MYO1H: variants seen among roughly 807,000 people sequenced by gnomAD.
MYO1H encodes unconventional myosin-Ih.
A neutral mutation model predicts 149.3 loss-of-function variants in MYO1H; 118 were observed. The observed-to-expected ratio is 0.79, with a 90% CI of 0.68 to 0.92. The LOEUF is 0.92. Among genes scored for constraint, MYO1H ranks in the 40% least tolerant of loss-of-function variants. The probability of loss-of-function intolerance (pLI) is 0.00; values close to 1 mark genes in which losing one functional copy is unlikely to be tolerated. For synonymous variants in MYO1H, 447 were observed against 465.2 expected, an observed-to-expected ratio of 0.96 and a Z score of 0.50; for missense variants, 1,212 against 1,280.7, an observed-to-expected ratio of 0.95 and a Z score of 0.82.
chr12:109,357,479 CTT>C (rs1868634847), intron 1 of MYO1H, among the ~76,000 whole-genome samples: 1 of 152,164 alleles, frequency 6.6e-6, no homozygotes, highest in Non-Finnish European at 1.5e-5. Context: ...GGTTGGCAAA[CTT>C]TTTCTGTAAA....
exon 3 of MYO1H, chr12:109,393,366 A>G (rs746691053): frequency 6.3e-7 from 1 of 1,585,286 alleles, no homozygotes. Context: ...CTGTGAATCC[A>G]TACCAGGAGC....
intron 1 of MYO1H, among the ~76,000 whole-genome samples, chr12:109,370,376 A>G (rs960013922): frequency 3.8e-4 from 58 of 152,288 alleles, no homozygotes; most frequent in African/African-American, 1.4e-3. Flanking sequence ...GGTCCAAAGG[A>G]GGCAGTGACA....
chr12:109,363,160 C>CA (rs1035509209), intron 1 of MYO1H, among the ~76,000 whole-genome samples: 18 of 152,016 alleles, frequency 1.2e-4, no homozygotes, highest in East Asian at 3.9e-4. Context: ...TTGTTTGGCA[C>CA]AAAAAAAATT....
chr12:109,377,026 A>G (rs1262531279), intron 1 of MYO1H, among the ~76,000 whole-genome samples: 1 of 152,216 alleles, frequency 6.6e-6, no homozygotes, highest in African/African-American at 2.4e-5. Context: ...AGCTGTTTTA[A>G]AGTAATCAGA....
chr12:109,332,191 T>G, the MYO1H span, among the ~76,000 whole-genome samples: 1 of 152,196 alleles, frequency 6.6e-6, no homozygotes, highest in Non-Finnish European at 1.5e-5. Flanking sequence ...AAGTTAGAAT[T>G]GGTCTGCTTA....
chr12:109,335,448 C>T, the MYO1H span, among the ~76,000 whole-genome samples: 1 of 152,236 alleles, frequency 6.6e-6, no homozygotes, highest in South Asian at 2.1e-4. Flanking sequence ...GGCCCCACCC[C>T]CAGCATTGGG....
the MYO1H span, among the ~76,000 whole-genome samples, chr12:109,338,562 G>A: frequency 6.6e-6 from 1 of 152,148 alleles, no homozygotes; most frequent in South Asian, 2.1e-4. Flanking sequence ...GAGGTCAGGA[G>A]TTAGAGAGCA....
chr12:109,389,945 C>T (rs80288170), intron 2 of MYO1H, among the ~76,000 whole-genome samples: 8,899 of 151,902 alleles, frequency 0.059, 853 homozygotes, highest in African/African-American at 0.2. Flanking sequence ...TAATTATCAC[C>T]CTTAATTGTA....
At chr12:109,445,290 T>G in intron 30 of MYO1H, 1 of 466,712 alleles carries the variant, frequency 2.1e-6, no homozygotes. Flanking sequence ...TTTGAAGAAC[T>G]GAATGTGCTC....
chr12:109,351,575 G>A (rs1868462519), intron 1 of MYO1H, among the ~76,000 whole-genome samples: 1 of 152,226 alleles, frequency 6.6e-6, no homozygotes, highest in East Asian at 1.9e-4. Context: ...TAAAGAGATT[G>A]TAAATTCCTG....
upstream of MYO1H, among the ~76,000 whole-genome samples, chr12:109,344,995 T>G (rs938213038): frequency 1.5e-4 from 23 of 152,322 alleles, no homozygotes; most frequent in Admixed American, 8.5e-4. Flanking sequence ...ACTATAAAAC[T>G]ATTAGAAGAA....
chr12:109,400,364 T>A (rs531358086), intron 5 of MYO1H, among the ~76,000 whole-genome samples: 2 of 152,344 alleles, frequency 1.3e-5, no homozygotes, highest in African/African-American at 2.4e-5. Flanking sequence ...ACATTTATAT[T>A]CTTCATCCTT....
At chr12:109,342,052 ATATT>A in the MYO1H span, among the ~76,000 whole-genome samples, 4 of 151,538 alleles carry the variant, frequency 2.6e-5, no homozygotes, top group Non-Finnish European at 5.9e-5. Flanking sequence ...AAGCATTTAA[ATATT>A]TATTTCATTT....
chr12:109,411,860 G>A (rs775385872), intron 13 of MYO1H, 34 bp from the exon 14 acceptor site: 2 of 1,474,434 alleles, frequency 1.4e-6, no homozygotes, highest in Non-Finnish European at 1.9e-6. Flanking sequence ...GGAGTGTGGT[G>A]CTGTGGATTG....
chr12:109,383,452 C>G (rs1227905983), intron 1 of MYO1H, among the ~76,000 whole-genome samples: 1 of 152,140 alleles, frequency 6.6e-6, no homozygotes, highest in African/African-American at 2.4e-5. Context: ...CAAACAGCCC[C>G]AAAACTCAGA....
chr12:109,361,316 C>T lies in MYO1H; in HGVS notation c.12+13344C>T, dbSNP rs565174384. 3.3e-5 allele frequency among the ~76,000 whole-genome samples: 5 copies of T among 152,256 alleles called. No individual in the cohort carries two copies. The South Asian group carries it at 6.2e-4, about 19-fold the overall frequency. The stretch of plus-strand genomic sequence containing the variant: ...TAGCACCCCAGAAACCCCTCATATA[C>T]CTCCTCCACTTAACTCCCTTCATAC... On this transcript the variant is annotated intron_variant, in intron 1 of 31. Coordinates refer to ENST00000310903, the Ensembl canonical transcript of MYO1H.
intron 15 of MYO1H, among the ~76,000 whole-genome samples, chr12:109,418,696 C>CCATCA (rs10631374): frequency 6.6e-6 from 1 of 151,986 alleles, no homozygotes; most frequent in South Asian, 2.1e-4. Context: ...CTACAGGCAC[C>CCATCA]CCACGCCCGG....
At chr12:109,411,004 T>C (rs1373969874) in intron 13 of MYO1H, among the ~76,000 whole-genome samples, 1 of 152,166 alleles carries the variant, frequency 6.6e-6, no homozygotes, top group Non-Finnish European at 1.5e-5. Flanking sequence ...TAGCCGGGCA[T>C]GATGGCATGC....
chr12:109,422,019 C>T (rs1871195156), intron 16 of MYO1H, among the ~76,000 whole-genome samples: 1 of 152,082 alleles, frequency 6.6e-6, no homozygotes, highest in Non-Finnish European at 1.5e-5. Context: ...CAGGATCTTG[C>T]TATGACGCCT....
Sources: allele counts gnomAD v4.1 joint callset (sites outside exome capture counted in the v4.1 genomes callset), GRCh38; gene constraint gnomAD v4.1.1; transcripts MANE v1.5; gene names NCBI Gene and HGNC (gene_info 2026-07-23, HGNC 2026-07-21).